LSM14A: variants seen among roughly 807,000 people sequenced by gnomAD.
LSM14A encodes the protein protein LSM14 homolog A.
A neutral mutation model predicts 52.4 loss-of-function variants in LSM14A; 14 were observed. The observed-to-expected ratio is 0.27, with a 90% CI of 0.18 to 0.42. The LOEUF (loss-of-function observed/expected upper bound fraction) is 0.42, where lower values mean the gene tolerates loss of function less well. Ranked by LOEUF, LSM14A falls within the 10% of genes least tolerant of loss-of-function variation. The pLI is 1.00. For synonymous variants in LSM14A, 185 were observed against 200.3 expected (o/e 0.92, Z 0.64); for missense variants, 417 against 581.8 (o/e 0.72, Z 2.91).
Position 34,221,737 on chromosome 19 carries a change from G to A in LSM14A, c.1367G>A (p.Arg456Lys), listed in dbSNP as rs200312353. The A allele has an allele frequency of 2.7e-5, 43 of 1,608,882 alleles. No individual in the cohort carries two copies. Among genetic ancestry groups the A allele is most frequent in the Non-Finnish European group, 3.6e-5 (42 of 1,175,694 alleles). ...GGREFADFEY[R>K]KDNKVAA ...CGGGAGTTTGCGGATTTTGAATATA[G>A]GGTAAGTGTTACTGTTAATAAATTC... The change falls in exon 9 of 10, where the codon AGG becomes AAG. Residue 456 changes from arginine (R) to lysine (K), a missense_variant and splice_region_variant. Arg to Lys is a conservative substitution (Grantham distance 26, BLOSUM62 2). Around this residue, in one of 2 missense-constraint regions of LSM14A, gnomAD observed 357 missense variants for 457.0 expected, o/e 0.78. Coordinates refer to ENST00000544216, the MANE Select transcript of LSM14A (RefSeq NM_015578.4).
intron 4 of LSM14A, among the ~76,000 whole-genome samples, chr19:34,212,730 A>G (rs919644702): frequency 1.3e-5 from 2 of 152,222 alleles, no homozygotes; most frequent in Non-Finnish European, 2.9e-5. Flanking sequence ...GTATCACAGT[A>G]TCACCTGTAT....
intron 8 of LSM14A, among the ~76,000 whole-genome samples, chr19:34,220,738 G>A (rs557982176): frequency 1.3e-3 from 194 of 152,272 alleles, no homozygotes; most frequent in Non-Finnish European, 2.4e-3. Flanking sequence ...GATGACAGCA[G>A]CAATAATTCA....
intron 9 of LSM14A, among the ~76,000 whole-genome samples, chr19:34,226,073 G>C (rs1450377093): frequency 6.6e-6 from 1 of 151,060 alleles, no homozygotes; most frequent in South Asian, 2.1e-4. Context: ...AAAAAAAAAA[G>C]AAAAGAAAGA....
chr19:34,224,105 G>T (rs1353604435), intron 9 of LSM14A, among the ~76,000 whole-genome samples: 1 of 151,762 alleles, frequency 6.6e-6, no homozygotes, highest in Non-Finnish European at 1.5e-5. Flanking sequence ...GAGGTGGGCG[G>T]ATCACCTGAG....
intron 1 of LSM14A, 45 bp from the exon 2 acceptor site, chr19:34,194,433 T>A: frequency 6.5e-7 from 1 of 1,536,020 alleles, no homozygotes; most frequent in South Asian, 1.1e-5. Context: ...ACTACCTGAA[T>A]GTGATGAGTA....
intron 1 of LSM14A, among the ~76,000 whole-genome samples, chr19:34,178,179 A>AAAT (rs74745913): frequency 2.5e-4 from 37 of 150,086 alleles, no homozygotes; most frequent in Admixed American, 1.8e-3. Context: ...AAAAAACACA[A>AAAT]AATAATAATA....
At chr19:34,195,017 T>A (rs1198830421) in intron 2 of LSM14A, among the ~76,000 whole-genome samples, 1 of 152,052 alleles carries the variant, frequency 6.6e-6, no homozygotes, top group East Asian at 1.9e-4. Flanking sequence ...CCAGGCAGCC[T>A]GCTTCAGAAT....
chr19:34,202,032 G>A (rs1461674294), intron 3 of LSM14A, among the ~76,000 whole-genome samples: 2 of 151,306 alleles, frequency 1.3e-5, no homozygotes, highest in East Asian at 3.9e-4. Context: ...ATGTTATCCA[G>A]GCTGATCTCG....
intron 1 of LSM14A, among the ~76,000 whole-genome samples, chr19:34,192,319 G>GTTTTTTTTTTGTT: frequency 1.9e-5 from 1 of 53,408 alleles, no homozygotes; most frequent in Non-Finnish European, 3.3e-5. Flanking sequence ...TCTTTTTGTT[G>GTTTTTTTTTTGTT]TTTTTTTTTT....
intron 5 of LSM14A, 69 bp downstream of exon 5, chr19:34,215,369 A>T: frequency 7.2e-7 from 1 of 1,392,074 alleles, no homozygotes; most frequent in Non-Finnish European, 9.7e-7. Flanking sequence ...TATTTTCATT[A>T]GAAGGATTTA....
intron 1 of LSM14A, among the ~76,000 whole-genome samples, chr19:34,185,149 T>C (rs181837692): frequency 4.1e-4 from 62 of 152,326 alleles, no homozygotes; most frequent in Admixed American, 3.6e-3. Flanking sequence ...TGATGTAACC[T>C]CTAGAGTTAA....
chr19:34,193,509 G>T (rs894076288), intron 1 of LSM14A, among the ~76,000 whole-genome samples: 2 of 152,182 alleles, frequency 1.3e-5, no homozygotes, highest in African/African-American at 4.8e-5. Flanking sequence ...CCAGCAAAAA[G>T]ATTCGGTAGA....
intron 3 of LSM14A, among the ~76,000 whole-genome samples, chr19:34,206,145 G>C (rs912454695): frequency 1.1e-4 from 16 of 152,174 alleles, no homozygotes; most frequent in Admixed American, 9.8e-4. Context: ...GAAAATTCTA[G>C]ACTGTTTTTA....
At chr19:34,196,501 G>A in intron 2 of LSM14A, 133 bp from the exon 3 acceptor site, 1 of 770,050 alleles carries the variant, frequency 1.3e-6, no homozygotes, top group Non-Finnish European at 1.9e-6. Flanking sequence ...AATATTAAGT[G>A]CATATTGTAA....
chr19:34,203,802 CAAAA>C (rs4012715), intron 3 of LSM14A, among the ~76,000 whole-genome samples: 1 of 131,144 alleles, frequency 7.6e-6, no homozygotes. Flanking sequence ...GACCCTGTCT[CAAAA>C]AAAAAAAAAA....
chr19:34,195,879 C>A (rs2482997), intron 2 of LSM14A, among the ~76,000 whole-genome samples: 90,827 of 152,032 alleles, frequency 0.6, 27,907 homozygotes, highest in African/African-American at 0.67. Flanking sequence ...TTCTTCCAAT[C>A]ATCATAAACT....
At position 34,172,625 on chromosome 19, in the gene LSM14A, A is replaced by AGCG. The variant is rs543323290; in HGVS notation, c.-5_-3dup. The AGCG allele has an allele frequency of 5.5e-5, 85 of 1,550,842 alleles. No homozygotes were observed. The South Asian group carries it at 7.0e-4, about 13-fold the overall frequency. ...ATCTGCCTCTCTGCGAGCAGCTGGG[A>AGCG]GCGGCGGCGGCGGCGCCATGAGCGG... On this transcript the variant is annotated 5_prime_UTR_variant, in exon 1 of 10. Coordinates refer to ENST00000544216, the MANE Select transcript of LSM14A (RefSeq NM_015578.4).
At chr19:34,226,317 T>G in intron 9 of LSM14A, 2 of 1,245,860 alleles carry the variant, frequency 1.6e-6, no homozygotes, top group Non-Finnish European at 2.2e-6. Flanking sequence ...CATAATGCTC[T>G]CTCTCCTCTC....
intron 3 of LSM14A, among the ~76,000 whole-genome samples, chr19:34,202,044 ACTC>A (rs762721371): frequency 3.4e-5 from 5 of 148,686 alleles, no homozygotes; most frequent in Non-Finnish European, 7.4e-5. Context: ...CTGATCTCGA[ACTC>A]CTGGGTTCAG....
Sources: allele counts gnomAD v4.1 joint callset (sites outside exome capture counted in the v4.1 genomes callset), GRCh38; gene constraint gnomAD v4.1.1; regional missense constraint gnomAD v4.1.1; transcripts MANE v1.5; gene names NCBI Gene and HGNC (gene_info 2026-07-23, HGNC 2026-07-21).